Variants in SLC23A2 observed in about 807,000 individuals in gnomAD.
SLC23A2 encodes the protein solute carrier family 23 member 2, also known as Na(+)/L-ascorbic acid transporter 2.
A neutral mutation model predicts 73.3 loss-of-function variants in SLC23A2; 36 were observed. The observed-to-expected ratio is 0.49, with a 90% CI of 0.38 to 0.65. The LOEUF (loss-of-function observed/expected upper bound fraction) is 0.65. Among genes scored for constraint, SLC23A2 ranks in the 30% least tolerant of loss-of-function variants. The pLI is 0.00. For missense variants in SLC23A2, 507 were observed against 841.6 expected (o/e 0.60, Z 4.92); for synonymous variants, 343 against 327.3 (o/e 1.05, Z -0.52).
chr20:4,972,310 A>G (rs578014754), intron 1 of SLC23A2, among the ~76,000 whole-genome samples: 1 of 151,752 alleles, frequency 6.6e-6, no homozygotes, highest in East Asian at 1.9e-4. Flanking sequence ...AAATGCCATC[A>G]GACTGGTACC....
chr20:4,975,157 C>A (rs2087623677), intron 1 of SLC23A2, among the ~76,000 whole-genome samples: 1 of 152,098 alleles, frequency 6.6e-6, no homozygotes, highest in African/African-American at 2.4e-5. Context: ...TTACTCTTTT[C>A]CAAAAGGTGC....
chr20:4,902,415 T>C lies in SLC23A2; in HGVS notation c.324+27A>G, dbSNP rs1931781353. On this transcript the variant is annotated intron_variant, in intron 5 of 16. Transcript: ENST00000338244. The surrounding 1 kb of genome is among the most constrained non-coding windows in gnomAD (Gnocchi z 4.0). ...AGACAATGCAAACACCTGCTGGTAG[T>C]TACACATCCTACAGGAACCATCTTA... 1 of 1,240,460 alleles carries C rather than the reference T, an allele frequency of 8.1e-7. No individual in the cohort carries two copies. The highest frequency in any genetic ancestry group is 1.5e-5 in the African/African-American group (1 of 66,360). 76.8% of individuals were successfully genotyped at this position (1,240,460 alleles called of 1,614,324 possible).
At chr20:4,977,327 T>C (rs2087657688) in intron 1 of SLC23A2, among the ~76,000 whole-genome samples, 1 of 152,152 alleles carries the variant, frequency 6.6e-6, no homozygotes, top group South Asian at 2.1e-4. Flanking sequence ...TGGTGTCCTA[T>C]TTCTTTTTGT....
At position 5,008,910 on chromosome 20, in the gene SLC23A2, A is replaced by G. The variant is rs536058597; in HGVS notation, c.-282+1272T>C. On this transcript the variant is annotated intron_variant, in intron 1 of 16. Transcript: ENST00000379333. ...GAAAGTTTACATCCTCCCAGTTCCCACAATCATCTCCCCTTCTCAGCTCAG... is the reference window on the plus strand; with the variant it reads ...GAAAGTTTACATCCTCCCAGTTCCCGCAATCATCTCCCCTTCTCAGCTCAG... 9.9e-5 allele frequency among the ~76,000 whole-genome samples: 15 copies of G among 152,024 alleles called. No individual in the cohort carries two copies. In the South Asian group the frequency reaches 2.3e-3, roughly 23 times the overall value.
intron 2 of SLC23A2, among the ~76,000 whole-genome samples, chr20:4,946,851 G>A (rs1168411136): frequency 6.6e-6 from 1 of 152,076 alleles, no homozygotes; most frequent in Non-Finnish European, 1.5e-5. Context: ...GTTTGTTTGG[G>A]GGTTTAAGAT....
chr20:4,920,973 C>G (rs756699659), intron 3 of SLC23A2, among the ~76,000 whole-genome samples: 17 of 152,088 alleles, frequency 1.1e-4, no homozygotes, highest in South Asian at 1.0e-3. Context: ...AGAATAGGCA[C>G]AATGAAAGAA....
chr20:4,970,543 G>A (rs1019411393), intron 2 of SLC23A2, among the ~76,000 whole-genome samples: 1 of 151,946 alleles, frequency 6.6e-6, no homozygotes, highest in African/African-American at 2.4e-5. Context: ...AACCAGCCTA[G>A]ATAATATAGT....
chr20:4,886,139 G>C (rs531010984), intron 6 of SLC23A2: 6 of 492,220 alleles, frequency 1.2e-5, no homozygotes, highest in African/African-American at 1.0e-4. Context: ...CAGCTCCAGG[G>C]TGGGCCCCGT....
intron 2 of SLC23A2, among the ~76,000 whole-genome samples, chr20:4,935,552 A>T (rs1489153448): frequency 6.6e-6 from 1 of 152,172 alleles, no homozygotes; most frequent in African/African-American, 2.4e-5. Flanking sequence ...TAATCCCAGC[A>T]CTTTGGGAGG....
Position 4,885,866 on chromosome 20 carries a change from C to T in SLC23A2, c.526G>A (p.Ala176Thr), listed in dbSNP as rs760916260. ...QASAFAFLAP[A>T]RAILSLDKWK... ...TTATCTAAAGACAGGATGGCTCGAG[C>T]AGGGGCCAAAAATGCAAAAGCACTG... The change falls in exon 7 of 17, where the codon GCT (alanine) becomes ACT (threonine). Residue 176 changes from alanine (A) to threonine (T), a missense_variant. By Grantham distance (58) the Ala-to-Thr change is moderately conservative. Around this residue, in one of 5 missense-constraint regions of SLC23A2, gnomAD observed 217 missense variants for 398.0 expected, o/e 0.55. Coordinates refer to ENST00000338244, the MANE Select transcript of SLC23A2 (RefSeq NM_005116.6). The T allele has an allele frequency of 6.2e-7, 1 of 1,613,784 alleles. No individual in the cohort carries two copies. Among genetic ancestry groups the T allele is most frequent in the Non-Finnish European group, 8.5e-7 (1 of 1,179,812 alleles).
At chr20:4,870,246 C>T (rs990230397) in intron 11 of SLC23A2, among the ~76,000 whole-genome samples, 193 bp from the exon 12 acceptor site, 2 of 152,132 alleles carry the variant, frequency 1.3e-5, no homozygotes, top group African/African-American at 4.8e-5. Flanking sequence ...ATGAAGGCGG[C>T]CATAATGAGG....
At chr20:4,885,024 C>T (rs1466604336) in intron 7 of SLC23A2, among the ~76,000 whole-genome samples, 1 of 152,184 alleles carries the variant, frequency 6.6e-6, no homozygotes, top group Non-Finnish European at 1.5e-5. Context: ...ATGAATTCAT[C>T]GACTAAGAGC....
At chr20:4,934,850 G>A (rs1399134890) in intron 2 of SLC23A2, among the ~76,000 whole-genome samples, 2 of 150,476 alleles carry the variant, frequency 1.3e-5, no homozygotes, top group Non-Finnish European at 3.0e-5. Context: ...GCAAAAGAGT[G>A]AGACTCTGTC....
At position 4,966,513 on chromosome 20, in the gene SLC23A2, G is replaced by A. The variant is rs570616570; in HGVS notation, c.-155+4280C>T. The stretch of plus-strand genomic sequence containing the variant: ...GTAACATATACAATAGACTTCAAAG[G>A]GTTGCTATGAAAATAAAAAAGAATG... On this transcript the variant is annotated intron_variant, in intron 2 of 16. Coordinates refer to ENST00000338244, the MANE Select transcript of SLC23A2 (RefSeq NM_005116.6). 2.6e-5 allele frequency among the ~76,000 whole-genome samples: 4 copies of A among 151,730 alleles called. No homozygotes were observed. In the East Asian group the frequency reaches 7.7e-4, roughly 29 times the overall value.
chr20:4,890,647 C>T (rs182651159), intron 6 of SLC23A2, among the ~76,000 whole-genome samples: 208 of 151,390 alleles, frequency 1.4e-3, no homozygotes, highest in African/African-American at 4.9e-3. Context: ...AGCGAGACTC[C>T]ATCTCAAAAA....
intron 1 of SLC23A2, among the ~76,000 whole-genome samples, chr20:4,988,946 C>A (rs1422504562): frequency 6.6e-6 from 1 of 151,134 alleles, no homozygotes; most frequent in Admixed American, 6.6e-5. Context: ...GAAAAGAAAT[C>A]GCTAACTAGG....
At chr20:4,894,793 GAC>G (rs1239439199) in intron 6 of SLC23A2, among the ~76,000 whole-genome samples, 1 of 151,542 alleles carries the variant, frequency 6.6e-6, no homozygotes, top group Non-Finnish European at 1.5e-5. Flanking sequence ...CTTCTGCAAA[GAC>G]ACACATCTGT....
intron 4 of SLC23A2, among the ~76,000 whole-genome samples, chr20:4,907,533 A>C (rs1931999611): frequency 6.6e-6 from 1 of 152,248 alleles, no homozygotes; most frequent in South Asian, 2.1e-4. Flanking sequence ...TGTGGGAGAC[A>C]AAGAATGCTT....
chr20:5,006,447 G>A (rs980903993), upstream of SLC23A2, among the ~76,000 whole-genome samples: 1 of 152,030 alleles, frequency 6.6e-6, no homozygotes, highest in Non-Finnish European at 1.5e-5. Context: ...GAAAATAATA[G>A]AATTTGGGGG....
Sources: allele counts gnomAD v4.1 joint callset (sites outside exome capture counted in the v4.1 genomes callset), GRCh38; gene constraint gnomAD v4.1.1; regional missense constraint gnomAD v4.1.1; non-coding constraint Gnocchi (gnomAD v3.1); transcripts MANE v1.5; gene names NCBI Gene and HGNC (gene_info 2026-07-23, HGNC 2026-07-21).